Variants in MEOX2 observed in about 807,000 individuals in gnomAD.
The protein encoded by MEOX2 is mesenchyme homeobox 2, also known as homeobox protein MOX-2.
Under a neutral mutation model 27.0 loss-of-function variants are expected in MEOX2, and 11 were observed. The ratio of observed to expected loss-of-function variants is 0.41; its 90% CI spans 0.26 to 0.68. MEOX2 has a LOEUF of 0.68. Ranked by LOEUF, MEOX2 falls within the 30% of genes least tolerant of loss-of-function variation. The probability of loss-of-function intolerance (pLI) is 0.33; values close to 1 mark genes in which losing one functional copy is unlikely to be tolerated. For synonymous variants in MEOX2, 189 were observed against 155.4 expected (o/e 1.22, Z -1.61); for missense variants, 436 against 385.4 (o/e 1.13, Z -1.10).
At chr7:15,627,278 G>T (rs1335223269) in intron 1 of MEOX2, among the ~76,000 whole-genome samples, 3 of 151,998 alleles carry the variant, frequency 2.0e-5, no homozygotes, top group Non-Finnish European at 4.4e-5. Context: ...CGTACTTGAG[G>T]TCTAAGTAAG....
intron 1 of MEOX2, among the ~76,000 whole-genome samples, chr7:15,676,371 C>T (rs1163288521): frequency 6.6e-6 from 1 of 152,150 alleles, no homozygotes; most frequent in Non-Finnish European, 1.5e-5. Flanking sequence ...GGGTCTGCAA[C>T]TGGAACTGCT....
chr7:15,650,497 A>T (rs1245260181), intron 1 of MEOX2, among the ~76,000 whole-genome samples: 1 of 152,022 alleles, frequency 6.6e-6, no homozygotes, highest in Non-Finnish European at 1.5e-5. Context: ...TGTATGTTTC[A>T]TACGTGCAAA....
At chr7:15,664,881 T>C (rs578192372) in intron 1 of MEOX2, among the ~76,000 whole-genome samples, 1 of 152,278 alleles carries the variant, frequency 6.6e-6, no homozygotes, top group East Asian at 1.9e-4. Flanking sequence ...TTCTGTTGCA[T>C]CTCATTTCCA....
intron 2 of MEOX2, among the ~76,000 whole-genome samples, chr7:15,616,453 C>G (rs943125137): frequency 6.6e-6 from 1 of 151,784 alleles, no homozygotes; most frequent in Non-Finnish European, 1.5e-5. Context: ...ATCCCCCCAA[C>G]AAAATCTGCA....
chr7:15,667,669 T>C (rs1782031309), intron 1 of MEOX2, among the ~76,000 whole-genome samples: 1 of 152,148 alleles, frequency 6.6e-6, no homozygotes, highest in Non-Finnish European at 1.5e-5. Context: ...TTTATGAAAA[T>C]CATCCTTTTC....
At chr7:15,630,487 C>A (rs74838203) in intron 1 of MEOX2, among the ~76,000 whole-genome samples, 1 of 151,954 alleles carries the variant, frequency 6.6e-6, no homozygotes, top group African/African-American at 2.4e-5. Flanking sequence ...TCTGGGTAAA[C>A]GTATTAGCTC....
chr7:15,681,783 A>G (rs939842070), intron 1 of MEOX2: 14 of 151,746 alleles, frequency 9.2e-5, no homozygotes, highest in Admixed American at 4.6e-4. Flanking sequence ...ACAAAGATTA[A>G]AACTTTAAAT....
At position 15,686,202 on chromosome 7, in the gene MEOX2, C is replaced by T. The variant is rs374499365; in HGVS notation, c.201G>A (p.Gly67=). ...GGTGGTGGTGGTGGTGGTGGTGGTGCCCCCTGTGATGCTGGCTGGCAAACA... is the reference window on the plus strand; with the variant it reads ...GGTGGTGGTGGTGGTGGTGGTGGTGTCCCCTGTGATGCTGGCTGGCAAACA... ...EGMFASQHHR[G]HHHHHHHHHH... Residue 67 remains glycine, a synonymous_variant, in exon 1 of 3, where the codon GGG becomes GGA. Transcript: ENST00000262041. The T allele has an allele frequency of 1.9e-6, 3 of 1,604,338 alleles. No homozygotes were observed. Among genetic ancestry groups the T allele is most frequent in the South Asian group, 2.2e-5 (2 of 89,810 alleles).
rs1164152226 is a variant in MEOX2 at position 15,651,318 on chromosome 7, G to T, written c.518-24400C>A. 4.0e-5 allele frequency among the ~76,000 whole-genome samples: 6 copies of T among 151,732 alleles called. No homozygotes were observed. The East Asian group carries it at 9.7e-4, about 24-fold the overall frequency. ...ATTAATATATATATCCAGTATTGTC[G>T]CATTGTAGGTATTGAATAAAAAATA... On this transcript the variant is annotated intron_variant, in intron 1 of 2. Coordinates refer to ENST00000262041, the MANE Select transcript of MEOX2 (RefSeq NM_005924.5).
At chr7:15,679,860 C>T (rs1233337143) in intron 1 of MEOX2, 4 of 151,802 alleles carry the variant, frequency 2.6e-5, no homozygotes, top group Non-Finnish European at 1.5e-5. Flanking sequence ...ACGGATTCTA[C>T]CTGATCATTC....
Position 15,660,065 on chromosome 7 carries a change from C to T in MEOX2, c.517+25821G>A, listed in dbSNP as rs549740925. 2.6e-5 allele frequency among the ~76,000 whole-genome samples: 4 copies of T among 152,246 alleles called. No individual in the cohort carries two copies. The South Asian group carries it at 6.2e-4, about 24-fold the overall frequency. ...ATTGAGAGGAAAAGTGAACACCTTT[C>T]CTTCTTGAATGAGCTAAGGATGGCT... On this transcript the variant is annotated intron_variant, in intron 1 of 2. Coordinates refer to ENST00000262041, the MANE Select transcript of MEOX2 (RefSeq NM_005924.5).
At chr7:15,677,218 A>T (rs1417922814) in intron 1 of MEOX2, among the ~76,000 whole-genome samples, 1 of 152,240 alleles carries the variant, frequency 6.6e-6, no homozygotes, top group Non-Finnish European at 1.5e-5. Flanking sequence ...GATGGTGCAT[A>T]TGCATTACAT....
intron 1 of MEOX2, among the ~76,000 whole-genome samples, chr7:15,639,453 C>T (rs551715731): frequency 1.3e-5 from 2 of 152,038 alleles, no homozygotes; most frequent in Non-Finnish European, 2.9e-5. Context: ...TTGATTGTGT[C>T]TTTTGCTGTG....
intron 2 of MEOX2, among the ~76,000 whole-genome samples, chr7:15,619,004 G>A (rs1781170939): frequency 6.6e-6 from 1 of 151,958 alleles, no homozygotes; most frequent in Admixed American, 6.6e-5. Flanking sequence ...TTTTCATGAG[G>A]AGACATAGAA....
At chr7:15,615,801 C>A (rs1044185598) in intron 2 of MEOX2, among the ~76,000 whole-genome samples, 3 of 151,994 alleles carry the variant, frequency 2.0e-5, no homozygotes, top group African/African-American at 7.2e-5. Context: ...TCATGATCAT[C>A]ATCATTGTCA....
chr7:15,638,873 G>A (rs923122831), intron 1 of MEOX2, among the ~76,000 whole-genome samples: 1 of 151,886 alleles, frequency 6.6e-6, no homozygotes. Flanking sequence ...TTCTTTACGC[G>A]ATCAACTGTT....
chr7:15,623,573 T>A (rs910027664), intron 2 of MEOX2, among the ~76,000 whole-genome samples: 1 of 152,168 alleles, frequency 6.6e-6, no homozygotes, highest in African/African-American at 2.4e-5. Flanking sequence ...TTTCACCATG[T>A]TGGCCAGGCT....
intron 1 of MEOX2, among the ~76,000 whole-genome samples, chr7:15,632,375 AT>A (rs1397497224): frequency 6.6e-6 from 1 of 151,766 alleles, no homozygotes; most frequent in East Asian, 1.9e-4. Context: ...AAATGATGAG[AT>A]TTTAATGTGT....
intron 2 of MEOX2, among the ~76,000 whole-genome samples, chr7:15,618,113 C>T (rs2115354501): frequency 6.6e-6 from 1 of 152,086 alleles, no homozygotes; most frequent in Non-Finnish European, 1.5e-5. Context: ...ATGATTGATT[C>T]CTTTTAACTT....
Sources: allele counts gnomAD v4.1 joint callset (sites outside exome capture counted in the v4.1 genomes callset), GRCh38; gene constraint gnomAD v4.1.1; transcripts MANE v1.5; gene names NCBI Gene and HGNC (gene_info 2026-07-23, HGNC 2026-07-21).